Variants in AGBL1 observed in about 807,000 individuals in gnomAD.
AGBL1 encodes AGBL carboxypeptidase 1, also known as cytosolic carboxypeptidase 4.
In AGBL1, 130 loss-of-function variants were observed where a neutral mutation model predicts 118.9. The ratio of observed to expected loss-of-function variants is 1.09; its 90% confidence interval spans 0.95 to 1.26. The LOEUF (loss-of-function observed/expected upper bound fraction) is 1.26, where lower values mean the gene tolerates loss of function less well. AGBL1 is among the 50% of genes most tolerant of loss of function. AGBL1 has a pLI of 0.00. For synonymous variants in AGBL1, 555 were observed against 478.9 expected (o/e 1.16, Z -2.08); for missense variants, 1,584 against 1,298.1 (o/e 1.22, Z -3.38).
At chr15:86,589,991 G>C (rs186827736) in intron 21 of AGBL1, among the ~76,000 whole-genome samples, 349 of 152,204 alleles carry the variant, frequency 2.3e-3, no homozygotes, top group African/African-American at 8.1e-3. Context: ...TGCCCTCAGA[G>C]GGTTTGTTGA....
chr15:86,337,522 G>C (rs1267861888), intron 17 of AGBL1, among the ~76,000 whole-genome samples: 3 of 152,190 alleles, frequency 2.0e-5, no homozygotes, highest in Non-Finnish European at 4.4e-5. Context: ...ATACTATGCA[G>C]CTATTAAAAA....
At chr15:87,017,511 G>T (rs2081619259) in intron 24 of AGBL1, among the ~76,000 whole-genome samples, 1 of 152,100 alleles carries the variant, frequency 6.6e-6, no homozygotes, top group Non-Finnish European at 1.5e-5. Flanking sequence ...GGCAACTAGG[G>T]TCCATAGTGG....
At chr15:86,206,793 G>A (rs987081352) in intron 5 of AGBL1, among the ~76,000 whole-genome samples, 1 of 152,134 alleles carries the variant, frequency 6.6e-6, no homozygotes, top group Non-Finnish European at 1.5e-5. Flanking sequence ...TTCTTTTGCT[G>A]TGCAGAAGCT....
intron 22 of AGBL1, among the ~76,000 whole-genome samples, chr15:86,732,432 A>G (rs2077538246): frequency 6.6e-6 from 1 of 151,952 alleles, no homozygotes; most frequent in African/African-American, 2.4e-5. Context: ...TTTTTTTCTC[A>G]TCCTTGTTTT....
intron 18 of AGBL1, among the ~76,000 whole-genome samples, chr15:86,421,328 A>G (rs1167912614): frequency 6.6e-6 from 1 of 151,948 alleles, no homozygotes; most frequent in Non-Finnish European, 1.5e-5. Context: ...AAGAAAAAAA[A>G]CTCAGAATTT....
intron 23 of AGBL1, among the ~76,000 whole-genome samples, chr15:86,933,267 T>G (rs1290567788): frequency 6.6e-6 from 1 of 152,148 alleles, no homozygotes; most frequent in Non-Finnish European, 1.5e-5. Context: ...TGGGAGGACT[T>G]TAGTTTTTAG....
intron 22 of AGBL1, among the ~76,000 whole-genome samples, chr15:86,837,128 C>T (rs1415258366): frequency 2.0e-5 from 3 of 151,776 alleles, no homozygotes; most frequent in Non-Finnish European, 4.4e-5. Flanking sequence ...ATATTCTTAG[C>T]GCATTTCACA....
intron 22 of AGBL1, among the ~76,000 whole-genome samples, chr15:86,885,291 A>T (rs2079954399): frequency 6.6e-6 from 1 of 152,174 alleles, no homozygotes. Context: ...TTACTATAGA[A>T]CTGAATGTGG....
At chr15:86,675,842 G>T (rs2085835915) in intron 22 of AGBL1, among the ~76,000 whole-genome samples, 1 of 152,050 alleles carries the variant, frequency 6.6e-6, no homozygotes, top group Non-Finnish European at 1.5e-5. Context: ...GGCATTGCTT[G>T]CTTTCGTCAA....
At chr15:86,318,402 C>T (rs1366372757) in intron 17 of AGBL1, among the ~76,000 whole-genome samples, 1 of 151,316 alleles carries the variant, frequency 6.6e-6, no homozygotes, top group Non-Finnish European at 1.5e-5. Flanking sequence ...ATAAATATTT[C>T]ATAAAAAAAA....
chr15:86,677,099 G>T (rs1007019345), intron 22 of AGBL1, among the ~76,000 whole-genome samples: 12 of 152,148 alleles, frequency 7.9e-5, no homozygotes, highest in African/African-American at 2.9e-4. Flanking sequence ...CCTTGGGAGT[G>T]ATCAGCCAGG....
intron 22 of AGBL1, among the ~76,000 whole-genome samples, chr15:86,874,912 A>G (rs145406886): frequency 1.3e-5 from 2 of 152,076 alleles, no homozygotes; most frequent in African/African-American, 4.8e-5. Context: ...CCACTGTAGA[A>G]GGTCTCCCGG....
intron 22 of AGBL1, among the ~76,000 whole-genome samples, chr15:86,883,598 A>G (rs2079926738): frequency 6.6e-6 from 1 of 150,730 alleles, no homozygotes; most frequent in African/African-American, 2.4e-5. Flanking sequence ...CATTCACCAA[A>G]CTCTACCGTA....
chr15:86,738,595 C>T (rs1459852750), intron 22 of AGBL1, among the ~76,000 whole-genome samples: 1 of 152,078 alleles, frequency 6.6e-6, no homozygotes, highest in Non-Finnish European at 1.5e-5. Flanking sequence ...TGACTCTCTT[C>T]ATCCGTTACG....
rs577190547 is a variant in AGBL1 at position 86,795,606 on chromosome 15, C to T, written c.3159-111481C>T. On this transcript the variant is annotated intron_variant, in intron 22 of 22. Coordinates refer to ENST00000614907, the MANE Select transcript of AGBL1 (RefSeq NM_001386094.1). ...TGCTTGATTTTTTTTTTTTTTGAGA[C>T]GGAATTTCACTCTTGTCACCCAGGC... 2.9e-4 allele frequency among the ~76,000 whole-genome samples: 43 copies of T among 147,258 alleles called. No homozygotes were observed. The South Asian group carries it at 6.1e-3, about 21-fold the overall frequency.
At chr15:86,182,284 T>C (rs77749466) in intron 5 of AGBL1, among the ~76,000 whole-genome samples, 1,877 of 152,124 alleles carry the variant, frequency 0.012, 22 homozygotes, top group East Asian at 0.057. Context: ...CCTCCCTTCC[T>C]CTCTTCTTCC....
At chr15:86,467,095 C>G (rs1217292385) in intron 18 of AGBL1, among the ~76,000 whole-genome samples, 1 of 152,234 alleles carries the variant, frequency 6.6e-6, no homozygotes, top group Admixed American at 6.5e-5. Context: ...CTCAGGGGGT[C>G]TCTCCCAGGG....
chr15:86,674,782 A>G (rs546120738), intron 22 of AGBL1, among the ~76,000 whole-genome samples: 2 of 152,272 alleles, frequency 1.3e-5, no homozygotes, highest in South Asian at 4.1e-4. Context: ...TTGAGCCATT[A>G]CTCAACAAAA....
intron 22 of AGBL1, among the ~76,000 whole-genome samples, chr15:86,885,446 A>G (rs2079956526): frequency 6.6e-6 from 1 of 152,208 alleles, no homozygotes; most frequent in Non-Finnish European, 1.5e-5. Context: ...CTTCACAACT[A>G]TTAAAATACC....
Sources: gnomAD v4.1 joint callset for allele counts (sites outside exome capture counted in the v4.1 genomes callset) on GRCh38, gnomAD v4.1.1 for gene constraint, MANE v1.5 for transcripts, NCBI Gene and HGNC (gene_info 2026-07-23, HGNC 2026-07-21) for gene names.